Variants in KIF15 observed in about 807,000 individuals in gnomAD.
KIF15 encodes kinesin family member 15.
KIF15 carries 140 observed loss-of-function variants against 190.6 expected under a neutral mutation model. The observed-to-expected ratio is 0.73, with a 90% confidence interval of 0.64 to 0.84. The LOEUF is 0.84. KIF15 is among the 40% of genes least tolerant of loss of function. The pLI, the probability that KIF15 is intolerant of heterozygous loss-of-function variation, is 0.00. For synonymous variants in KIF15, 528 were observed against 551.3 expected (o/e 0.96, Z 0.59); for missense variants, 1,372 against 1,584.4 (o/e 0.87, Z 2.28).
At chr3:44,851,764 A>G (rs765484275) in intron 32 of KIF15, 23 bp from the exon 33 acceptor site, 3 of 1,580,228 alleles carry the variant, frequency 1.9e-6, no homozygotes, top group South Asian at 2.3e-5. Flanking sequence ...CAAATACTAT[A>G]AAGTGATAAC....
intron 26 of KIF15, among the ~76,000 whole-genome samples, chr3:44,831,600 T>C (rs1698075328): frequency 6.6e-6 from 1 of 152,208 alleles, no homozygotes; most frequent in South Asian, 2.1e-4. Flanking sequence ...TTTTTGTTTT[T>C]TTGATGTAGA....
At chr3:44,793,719 G>A (rs188133764) in intron 7 of KIF15, among the ~76,000 whole-genome samples, 3 of 152,002 alleles carry the variant, frequency 2.0e-5, no homozygotes, top group African/African-American at 7.2e-5. Context: ...CCTCACCCCT[G>A]TTCTAAATAG....
rs548176162 is a variant in KIF15 at position 44,778,966 on chromosome 3, C to T, written c.323+775C>T. Among the ~76,000 whole-genome samples the T allele has an allele frequency of 9.6e-5, 10 of 104,182 alleles. No homozygotes were observed. In the East Asian group the frequency reaches 2.6e-3, roughly 28 times the overall value. The allele number at this position is 104,182 out of a possible 152,430, so 68.3% of individuals were successfully genotyped here. A position where few individuals can be genotyped will look rare whatever the true frequency, so the allele number is the denominator to read the frequency against. ...CTGCACTCCAGCCTGGGTGACAGGGCGAGACTCCGCCTCAAAAAAAAAAAA... is the reference window on the plus strand; with the variant it reads ...CTGCACTCCAGCCTGGGTGACAGGGTGAGACTCCGCCTCAAAAAAAAAAAA... On this transcript the variant is annotated intron_variant, in intron 4 of 34. Transcript: ENST00000326047.
At chr3:44,826,348 T>G in intron 21 of KIF15, 27 bp from the exon 22 acceptor site, 1 of 1,599,250 alleles carries the variant, frequency 6.3e-7, no homozygotes, top group Non-Finnish European at 8.6e-7. Flanking sequence ...TAGTAACAGT[T>G]ACTTAAAATC....
chr3:44,806,089 C>A, intron 16 of KIF15, 103 bp downstream of exon 16: 1 of 1,297,262 alleles, frequency 7.7e-7, no homozygotes. Flanking sequence ...GATGACATCC[C>A]ATGCAGGTAA....
intron 7 of KIF15, among the ~76,000 whole-genome samples, chr3:44,789,647 T>TATAA (rs1706579878): frequency 2.4e-4 from 1 of 4,192 alleles, no homozygotes; most frequent in Non-Finnish European, 4.9e-4. Flanking sequence ...TAATTTTATA[T>TATAA]ATATATATAT....
intron 6 of KIF15, chr3:44,865,229 G>A (rs773243488): frequency 8.7e-6 from 14 of 1,611,468 alleles, no homozygotes; most frequent in Non-Finnish European, 1.0e-5. Flanking sequence ...TGGTGGCCCA[G>A]CCTTGGGATG....
intron 20 of KIF15, among the ~76,000 whole-genome samples, chr3:44,816,396 C>G (rs1231701413): frequency 6.6e-6 from 1 of 151,774 alleles, no homozygotes; most frequent in African/African-American, 2.4e-5. Flanking sequence ...TCCCCCAGCC[C>G]CCCACCCCTT....
At chr3:44,811,164 T>C in intron 17 of KIF15, 121 bp downstream of exon 17, 1 of 700,512 alleles carries the variant, frequency 1.4e-6, no homozygotes, top group Non-Finnish European at 2.3e-6. Flanking sequence ...ATCATATCTT[T>C]TTAAGTGTGG....
intron 8 of KIF15, 101 bp from the exon 9 acceptor site, chr3:44,797,450 C>T: frequency 8.1e-7 from 1 of 1,237,454 alleles, no homozygotes; most frequent in Non-Finnish European, 1.1e-6. Flanking sequence ...CCTGACTTGC[C>T]TTTTCATCCA....
chr3:44,781,217 G>T (rs2125911707), intron 5 of KIF15, among the ~76,000 whole-genome samples: 1 of 152,258 alleles, frequency 6.6e-6, no homozygotes, highest in Non-Finnish European at 1.5e-5. Flanking sequence ...CCACTAACCA[G>T]ATCAAGATTC....
intron 7 of KIF15, among the ~76,000 whole-genome samples, chr3:44,787,773 A>G (rs1706482118): frequency 6.6e-6 from 1 of 151,942 alleles, no homozygotes; most frequent in Admixed American, 6.6e-5. Context: ...AGTCACACAT[A>G]CTTTTTGTTA....
chr3:44,862,856 A>G (rs1699274057), intron 6 of KIF15: 2 of 152,030 alleles, frequency 1.3e-5, no homozygotes, highest in South Asian at 4.1e-4. Context: ...TTTAGGGCTA[A>G]TCCAGTAGTA....
At chr3:44,825,706 G>A (rs1559569362) in intron 20 of KIF15, among the ~76,000 whole-genome samples, 1 of 152,200 alleles carries the variant, frequency 6.6e-6, no homozygotes, top group Non-Finnish European at 1.5e-5. Flanking sequence ...CATTAGGTCT[G>A]GAAACCCCTA....
chr3:44,823,327 T>A (rs560252418), intron 20 of KIF15, among the ~76,000 whole-genome samples: 13 of 152,296 alleles, frequency 8.5e-5, no homozygotes, highest in African/African-American at 3.1e-4. Context: ...TGCCTGGGTA[T>A]CACCAGCGGA....
At chr3:44,771,833 T>G (rs1418588108) in intron 1 of KIF15, among the ~76,000 whole-genome samples, 3 of 152,222 alleles carry the variant, frequency 2.0e-5, no homozygotes, top group African/African-American at 7.2e-5. Flanking sequence ...AATTTTTTTT[T>G]GCAAGATCAA....
rs560021949 is a variant in KIF15 at position 44,849,814 on chromosome 3, T to C, written c.3806+1256T>C. Among the ~76,000 whole-genome samples, 114 of 152,324 alleles carry C rather than the reference T, an allele frequency of 7.5e-4. 1 individual carries two copies. The highest frequency in any genetic ancestry group is 6.5e-3 in the Admixed American group (100 of 15,304). On this transcript the variant is annotated intron_variant, in intron 32 of 34. Coordinates refer to ENST00000326047, the MANE Select transcript of KIF15 (RefSeq NM_020242.3). ...ATGGCTTTGTTATGTTTATTACCAA[T>C]TGAGTTCACATTACAATTATTAATC...
chr3:44,833,960 C>T, intron 26 of KIF15, among the ~76,000 whole-genome samples: 1 of 152,180 alleles, frequency 6.6e-6, no homozygotes, highest in South Asian at 2.1e-4. Flanking sequence ...GGAAATCTAG[C>T]TATTTGAGTG....
intron 29 of KIF15, among the ~76,000 whole-genome samples, chr3:44,842,680 C>A (rs1231641440): frequency 6.6e-6 from 1 of 152,144 alleles, no homozygotes; most frequent in Non-Finnish European, 1.5e-5. Flanking sequence ...AAAGGATATT[C>A]CTTGCAGACA....
Sources: allele counts gnomAD v4.1 joint callset (sites outside exome capture counted in the v4.1 genomes callset), GRCh38; gene constraint gnomAD v4.1.1; transcripts MANE v1.5; gene names NCBI Gene and HGNC (gene_info 2026-07-23, HGNC 2026-07-21).